The following TTC13 variants were observed in gnomAD, a reference collection of about 807,000 sequenced individuals.
TTC13 encodes the protein tetratricopeptide repeat protein 13.
TTC13 carries 62 observed loss-of-function variants against 120.0 expected under a neutral mutation model. The observed-to-expected ratio is 0.52, with a 90% confidence interval of 0.42 to 0.64. TTC13 has a LOEUF of 0.64. TTC13 is among the 30% of genes least tolerant of loss of function. The pLI is 0.00. For missense variants in TTC13, 824 were observed against 1,050.2 expected (o/e 0.78, Z 2.98); for synonymous variants, 384 against 393.5 (o/e 0.98, Z 0.28).
rs996122262 is a variant in TTC13 at position 230,942,282 on chromosome 1, T to C, written c.672+1524A>G. On this transcript the variant is annotated intron_variant, in intron 6 of 22. Coordinates refer to ENST00000366661, the MANE Select transcript of TTC13 (RefSeq NM_024525.5). The surrounding 1 kb of genome is among the most constrained non-coding windows in gnomAD (Gnocchi z 4.0). ...CTACCAGAAGCAGATGATTACCAAA[T>C]CTGTCACCAAATTAGCCACTAAACA... Among the ~76,000 whole-genome samples the C allele has an allele frequency of 4.6e-5, 7 of 152,140 alleles. No individual in the cohort carries two copies. Among genetic ancestry groups the C allele is most frequent in the Admixed American group, 6.5e-5 (1 of 15,282 alleles).
At chr1:230,907,049 T>C in intron 22 of TTC13, 30 bp from the exon 23 acceptor site, 2 of 1,228,118 alleles carry the variant, frequency 1.6e-6, no homozygotes, top group Non-Finnish European at 2.2e-6. Context: ...AGTAGCGGCA[T>C]GAAAATTAAC....
chr1:230,952,275 T>C (rs943007537), intron 4 of TTC13, among the ~76,000 whole-genome samples: 2 of 152,202 alleles, frequency 1.3e-5, no homozygotes, highest in African/African-American at 4.8e-5. Flanking sequence ...ATGCAGATAT[T>C]ATTTCCACAT....
chr1:230,958,517 T>C (rs1166860811), intron 2 of TTC13, among the ~76,000 whole-genome samples: 2 of 152,232 alleles, frequency 1.3e-5, no homozygotes. Context: ...CTAGTTTTGC[T>C]ATGCAGCTGG....
At chr1:230,958,179 C>T (rs1676279588) in intron 3 of TTC13, 45 bp downstream of exon 3, 1 of 1,600,238 alleles carries the variant, frequency 6.2e-7, no homozygotes, top group Non-Finnish European at 8.5e-7. Flanking sequence ...CTAACCAAAA[C>T]TTTGAGGCAA....
At chr1:230,976,472 C>A (rs1352822764) in intron 1 of TTC13, among the ~76,000 whole-genome samples, 2 of 152,090 alleles carry the variant, frequency 1.3e-5, no homozygotes, top group Non-Finnish European at 2.9e-5. Context: ...TGGCTTTTGT[C>A]GCATACTGCA....
chr1:230,961,358 G>A, intron 1 of TTC13, 55 bp from the exon 2 acceptor site: 1 of 1,297,052 alleles, frequency 7.7e-7, no homozygotes, highest in Non-Finnish European at 1.1e-6. Context: ...GCTCTTAGGT[G>A]CTTAACTATG....
intron 1 of TTC13, among the ~76,000 whole-genome samples, chr1:230,974,610 T>A (rs1455370643): frequency 6.6e-6 from 1 of 152,210 alleles, no homozygotes; most frequent in Non-Finnish European, 1.5e-5. Context: ...CTTTGATGTT[T>A]GCACCATGAT....
intron 18 of TTC13, among the ~76,000 whole-genome samples, chr1:230,914,948 T>C (rs1658166261): frequency 6.6e-6 from 1 of 152,142 alleles, no homozygotes; most frequent in Admixed American, 6.5e-5. Context: ...ATTTCATTTC[T>C]GCTTAGGAAT....
rs528967132 is a variant in TTC13 at position 230,944,601 on chromosome 1, G to A, written c.580-703C>T. The stretch of plus-strand genomic sequence containing the variant: ...GTCTCAAAGTATACAAATACACAAA[G>A]TTTCTCCAATAGGCCAGCACAAGGT... On this transcript the variant is annotated intron_variant, in intron 5 of 22. Coordinates refer to ENST00000366661, the MANE Select transcript of TTC13 (RefSeq NM_024525.5). The surrounding 1 kb of genome is among the most constrained non-coding windows in gnomAD (Gnocchi z 4.0). 4.0e-4 allele frequency among the ~76,000 whole-genome samples: 61 copies of A among 151,848 alleles called. 1 individual carries two copies. Among genetic ancestry groups the A allele is most frequent in the East Asian group, 1.6e-3 (8 of 5,160 alleles).
Position 230,940,244 on chromosome 1 carries a change from C to G in TTC13, c.789+196G>C, listed in dbSNP as rs541127695. Among the ~76,000 whole-genome samples, 3 of 152,110 alleles carry G rather than the reference C, an allele frequency of 2.0e-5. No individual in the cohort carries two copies. Among genetic ancestry groups the G allele is most frequent in the Non-Finnish European group, 4.4e-5 (3 of 68,012 alleles). On this transcript the variant is annotated intron_variant, in intron 7 of 22. Transcript: ENST00000366661. The surrounding 1 kb of genome is among the most constrained non-coding windows in gnomAD (Gnocchi z 4.1). Reference sequence around the variant, plus strand: ...AATTAGTTATTGCTGACAGCTCAAACAAGAAAATGTTTTTAGTACTTAATG... The same window carrying G: ...AATTAGTTATTGCTGACAGCTCAAAGAAGAAAATGTTTTTAGTACTTAATG...
chr1:230,958,655 A>G (rs191279539), intron 2 of TTC13, among the ~76,000 whole-genome samples: 42 of 152,374 alleles, frequency 2.8e-4, no homozygotes, highest in South Asian at 1.2e-3. Context: ...TCAAATGTTT[A>G]CAGACAAGTT....
intron 17 of TTC13, among the ~76,000 whole-genome samples, chr1:230,919,972 A>G (rs1012627340): frequency 1.3e-5 from 2 of 151,996 alleles, no homozygotes; most frequent in Non-Finnish European, 2.9e-5. Flanking sequence ...ACCCCTGAGC[A>G]CTCCCCAGCC....
chr1:230,977,062 C>T (rs1368167655), intron 1 of TTC13, among the ~76,000 whole-genome samples: 1 of 152,074 alleles, frequency 6.6e-6, no homozygotes, highest in Non-Finnish European at 1.5e-5. Flanking sequence ...GTCTGGAGCC[C>T]GACTTCATGG....
chr1:230,920,330 A>G (rs1672459777), intron 17 of TTC13, 180 bp downstream of exon 17: 3 of 441,292 alleles, frequency 6.8e-6, no homozygotes. Flanking sequence ...GCTTCCTCAC[A>G]AGTTGTTTTT....
chr1:230,950,054 A>G (rs921779221), intron 4 of TTC13, among the ~76,000 whole-genome samples: 1 of 152,304 alleles, frequency 6.6e-6, no homozygotes, highest in East Asian at 1.9e-4. Context: ...CTAAATTTAA[A>G]TAACAGATTT....
chr1:230,925,059 A>G, intron 13 of TTC13, 86 bp from the exon 14 acceptor site: 1 of 1,505,926 alleles, frequency 6.6e-7, no homozygotes. Context: ...TGATAACTCA[A>G]GAGTTAACAC....
chr1:230,933,767 T>A lies in TTC13; in HGVS notation c.983+12A>T. 1 of 1,532,706 alleles carries A rather than the reference T, an allele frequency of 6.5e-7. No homozygotes were observed. The highest frequency in any genetic ancestry group is 1.4e-5 in the African/African-American group (1 of 72,694). The allele number at this position is 1,532,706 out of a possible 1,614,324, so 94.9% of individuals were successfully genotyped here. A position where few individuals can be genotyped will look rare whatever the true frequency, so the allele number is the denominator to read the frequency against. ...GCCTCCCTCCTACCCCAACTGTTATTATTTTACTCACCTATATGCCTGCCC... is the reference window on the plus strand; with the variant it reads ...GCCTCCCTCCTACCCCAACTGTTATAATTTTACTCACCTATATGCCTGCCC... On this transcript the variant is annotated intron_variant, in intron 9 of 22. Coordinates refer to ENST00000366661, the MANE Select transcript of TTC13 (RefSeq NM_024525.5).
chr1:230,962,210 CAA>C (rs35386237), intron 1 of TTC13, among the ~76,000 whole-genome samples: 1 of 138,222 alleles, frequency 7.2e-6, no homozygotes, highest in African/African-American at 2.6e-5. Flanking sequence ...AACTCTGACT[CAA>C]AAAAAAAAAA....
At chr1:230,917,531 CTTG>C (rs1209417103) in intron 17 of TTC13, among the ~76,000 whole-genome samples, 3 of 152,320 alleles carry the variant, frequency 2.0e-5, no homozygotes, top group East Asian at 3.9e-4. Context: ...ACTCAAATAT[CTTG>C]TTGTATATTC....
Sources: allele counts gnomAD v4.1 joint callset (sites outside exome capture counted in the v4.1 genomes callset), GRCh38; gene constraint gnomAD v4.1.1; non-coding constraint Gnocchi (gnomAD v3.1); transcripts MANE v1.5; gene names NCBI Gene and HGNC (gene_info 2026-07-23, HGNC 2026-07-21).